The following OSTN variants were observed in gnomAD, a reference collection of about 807,000 sequenced individuals.
The protein encoded by OSTN is osteocrin.
A neutral mutation model predicts 12.0 loss-of-function variants in OSTN; 9 were observed. The observed-to-expected ratio is 0.75, with a 90% CI of 0.45 to 1.30. The LOEUF (loss-of-function observed/expected upper bound fraction) is 1.30. Among genes scored for constraint, OSTN ranks in the 50% most tolerant of loss-of-function variants. OSTN has a pLI of 0.00. For synonymous variants in OSTN, 59 were observed against 56.9 expected, an observed-to-expected ratio of 1.04 and a Z score of -0.16; for missense variants, 148 against 152.3, an observed-to-expected ratio of 0.97 and a Z score of 0.15.
At chr3:191,223,081 G>A (rs1714811636) in intron 3 of OSTN, among the ~76,000 whole-genome samples, 1 of 151,898 alleles carries the variant, frequency 6.6e-6, no homozygotes, top group Non-Finnish European at 1.5e-5. Context: ...GTCCTTCATA[G>A]CAGTGTGAGA....
chr3:191,253,073 T>G (rs1270447404), intron 4 of OSTN, among the ~76,000 whole-genome samples: 1 of 152,224 alleles, frequency 6.6e-6, no homozygotes, highest in Non-Finnish European at 1.5e-5. Context: ...GCCAACATTC[T>G]CTTCGTGACC....
intron 3 of OSTN, among the ~76,000 whole-genome samples, chr3:191,243,908 A>T (rs1221171148): frequency 2.6e-5 from 4 of 152,154 alleles, no homozygotes; most frequent in Non-Finnish European, 5.9e-5. Flanking sequence ...TTTGAAGAAT[A>T]CATATAGATT....
intron 3 of OSTN, among the ~76,000 whole-genome samples, chr3:191,219,987 C>G (rs1714722752): frequency 6.6e-6 from 1 of 152,152 alleles, no homozygotes; most frequent in East Asian, 1.9e-4. Context: ...TCATCTAAAA[C>G]AAAAGTCTGT....
At chr3:191,205,920 C>T (rs920586933) in intron 1 of OSTN, among the ~76,000 whole-genome samples, 1 of 152,188 alleles carries the variant, frequency 6.6e-6, no homozygotes, top group Admixed American at 6.5e-5. Context: ...CACAGTGGCT[C>T]ATGCCTGCAA....
intron 4 of OSTN, among the ~76,000 whole-genome samples, chr3:191,252,430 G>A (rs1297157715): frequency 6.6e-6 from 1 of 152,106 alleles, no homozygotes; most frequent in African/African-American, 2.4e-5. Flanking sequence ...GAAGACAATT[G>A]AATTAATACA....
At chr3:191,223,018 A>G (rs1042423322) in intron 3 of OSTN, among the ~76,000 whole-genome samples, 2 of 152,140 alleles carry the variant, frequency 1.3e-5, no homozygotes, top group Non-Finnish European at 2.9e-5. Context: ...ATTAATTTAA[A>G]TTTAAAATTA....
intron 3 of OSTN, 72 bp downstream of exon 3, chr3:191,219,033 T>C: frequency 7.4e-7 from 1 of 1,344,900 alleles, no homozygotes; most frequent in Non-Finnish European, 1.0e-6. Context: ...CTGAGAGAAT[T>C]CCACATGAAA....
chr3:191,217,531 A>G (rs1714647671), intron 2 of OSTN, among the ~76,000 whole-genome samples: 1 of 152,248 alleles, frequency 6.6e-6, no homozygotes, highest in Admixed American at 6.5e-5. Context: ...TTAGAAAAAA[A>G]AGCAGTATTT....
intron 3 of OSTN, among the ~76,000 whole-genome samples, chr3:191,237,286 T>A (rs975052502): frequency 3.3e-5 from 5 of 152,236 alleles, no homozygotes; most frequent in African/African-American, 9.6e-5. Flanking sequence ...TTAGAATATA[T>A]GCATTAAATG....
intron 4 of OSTN, among the ~76,000 whole-genome samples, chr3:191,261,403 G>T (rs1433349092): frequency 6.6e-6 from 1 of 152,176 alleles, no homozygotes; most frequent in Non-Finnish European, 1.5e-5. Context: ...TGACAAGAGA[G>T]GTTATGGGAG....
Position 191,199,453 on chromosome 3 carries a change from A to C in OSTN, c.-1+146A>C, listed in dbSNP as rs182262899. 2.0e-5 allele frequency: 3 copies of C among 152,260 alleles called. No homozygotes were observed. The East Asian group carries it at 5.8e-4, about 29-fold the overall frequency. 9.4% of individuals were successfully genotyped at this position (152,260 alleles called of 1,614,324 possible). On this transcript the variant is annotated intron_variant, in intron 1 of 4. Transcript: ENST00000682035. ...TTTCCCTCTCTAAAATGAGTAGAAA[A>C]TCAAAGATATTTTTGTAATGCAAAC...
chr3:191,201,519 A>G (rs1235773980), intron 1 of OSTN, among the ~76,000 whole-genome samples: 1 of 152,212 alleles, frequency 6.6e-6, no homozygotes, highest in Non-Finnish European at 1.5e-5. Flanking sequence ...TGGCACAATT[A>G]GAGCTAGAAG....
At chr3:191,215,158 C>T (rs1714575066) in intron 2 of OSTN, among the ~76,000 whole-genome samples, 1 of 152,154 alleles carries the variant, frequency 6.6e-6, no homozygotes, top group Admixed American at 6.5e-5. Flanking sequence ...ATATTCTTCA[C>T]AAGGTGGCGG....
intron 1 of OSTN, among the ~76,000 whole-genome samples, chr3:191,203,190 T>A (rs1346507114): frequency 6.6e-6 from 1 of 152,220 alleles, no homozygotes; most frequent in East Asian, 1.9e-4. Context: ...CTGCCCCGCA[T>A]TCCTGTTTAC....
At chr3:191,255,305 A>T (rs1715646670) in intron 4 of OSTN, among the ~76,000 whole-genome samples, 1 of 152,218 alleles carries the variant, frequency 6.6e-6, no homozygotes, top group African/African-American at 2.4e-5. Context: ...CTAACAGGCC[A>T]CAGACATGTG....
intron 4 of OSTN, among the ~76,000 whole-genome samples, chr3:191,256,112 G>C (rs1228721589): frequency 6.6e-6 from 1 of 151,786 alleles, no homozygotes; most frequent in African/African-American, 2.4e-5. Context: ...AAATTGACAA[G>C]AAAAATCAGT....
At position 191,218,796 on chromosome 3, in the gene OSTN, A is replaced by T; in HGVS notation, c.152A>T (p.Glu51Val). The T allele has an allele frequency of 6.2e-7, 1 of 1,614,072 alleles. No homozygotes were observed. The highest frequency in any genetic ancestry group is 8.5e-7 in the Non-Finnish European group (1 of 1,179,978). Reference protein sequence around the residue: ...IDVQSTPTVREEKSATDLTAK... With the variant: ...IDVQSTPTVRVEKSATDLTAK... The stretch of plus-strand genomic sequence containing the variant: ...GTGCAGTCAACACCCACAGTCAGGG[A>T]AGAGAAATCAGCCACTGACCTGACA... Residue 51 changes from glutamate to valine, a missense_variant, in exon 3 of 5, where the codon GAA becomes GTA. Physicochemically the swap from Glu to Val is moderately radical, Grantham distance 121. Transcript: ENST00000682035.
At chr3:191,221,569 T>C (rs1450026615) in intron 3 of OSTN, among the ~76,000 whole-genome samples, 1 of 152,116 alleles carries the variant, frequency 6.6e-6, no homozygotes, top group Non-Finnish European at 1.5e-5. Context: ...TGATAGCATT[T>C]TGCCCCTGCC....
intron 3 of OSTN, among the ~76,000 whole-genome samples, chr3:191,232,851 G>A (rs1715096173): frequency 6.6e-6 from 1 of 152,100 alleles, no homozygotes; most frequent in Non-Finnish European, 1.5e-5. Context: ...CTGGCCTCAA[G>A]TGATCTGCCC....
Sources: gnomAD v4.1 joint callset for allele counts (sites outside exome capture counted in the v4.1 genomes callset) on GRCh38, gnomAD v4.1.1 for gene constraint, MANE v1.5 for transcripts, NCBI Gene and HGNC (gene_info 2026-07-23, HGNC 2026-07-21) for gene names.